SPIRE1: variants seen among roughly 807,000 people sequenced by gnomAD.
The protein encoded by SPIRE1 is protein spire homolog 1.
A neutral mutation model predicts 94.1 loss-of-function variants in SPIRE1; 40 were observed. That is an observed-to-expected ratio of 0.43 (90% CI 0.33 to 0.55). The LOEUF (loss-of-function observed/expected upper bound fraction) is 0.55. Ranked by LOEUF, SPIRE1 falls within the 20% of genes least tolerant of loss-of-function variation. The pLI, the probability that SPIRE1 is intolerant of heterozygous loss-of-function variation, is 0.06. For synonymous variants in SPIRE1, 376 were observed against 371.7 expected, an observed-to-expected ratio of 1.01 and a Z score of -0.13; for missense variants, 838 against 975.2, an observed-to-expected ratio of 0.86 and a Z score of 1.87.
At chr18:12,623,885 T>C (rs1168744240) in intron 2 of SPIRE1, among the ~76,000 whole-genome samples, 93 of 138,268 alleles carry the variant, frequency 6.7e-4, no homozygotes, top group East Asian at 2.2e-3. Flanking sequence ...GCCTCGGCCT[T>C]CCAAAGTGCT....
At chr18:12,598,997 C>T (rs1020088926) in intron 2 of SPIRE1, among the ~76,000 whole-genome samples, 2 of 151,990 alleles carry the variant, frequency 1.3e-5, no homozygotes, top group African/African-American at 4.8e-5. Context: ...TTATCAATAC[C>T]AATGTTTTAC....
At position 12,476,404 on chromosome 18, in the gene SPIRE1, G is replaced by A. The variant is rs147775232; in HGVS notation, c.1404+3295C>T. On this transcript the variant is annotated intron_variant, in intron 10 of 16. Transcript: ENST00000409402. ...AAATATAAAAAAATTAGCTGAGCAT[G>A]GTGGCAGGCACCTGTAATCCCAGTT... 6.3e-3 allele frequency among the ~76,000 whole-genome samples: 951 copies of A among 151,334 alleles called. 5 individuals are homozygous for A. Among genetic ancestry groups the A allele is most frequent in the Middle Eastern group, 0.027 (8 of 294 alleles).
chr18:12,450,273 C>A (rs2031168879), intron 16 of SPIRE1, among the ~76,000 whole-genome samples: 2 of 151,676 alleles, frequency 1.3e-5, no homozygotes, highest in Admixed American at 1.3e-4. Flanking sequence ...GCGGGAGAAT[C>A]GCTTGAACCC....
chr18:12,549,575 T>C (rs987407585), intron 2 of SPIRE1, among the ~76,000 whole-genome samples: 1 of 150,244 alleles, frequency 6.7e-6, no homozygotes, highest in Non-Finnish European at 1.5e-5. Flanking sequence ...CCTCAGCCTC[T>C]TGAGTAGCTG....
At chr18:12,463,562 GACAA>G in intron 11 of SPIRE1, 69 bp from the exon 12 acceptor site, 1 of 1,222,298 alleles carries the variant, frequency 8.2e-7, no homozygotes, top group East Asian at 2.3e-5. Flanking sequence ...TGACATTTGT[GACAA>G]ACACTGTAAT....
At chr18:12,550,772 T>TA (rs1329726478) in intron 2 of SPIRE1, among the ~76,000 whole-genome samples, 1 of 152,200 alleles carries the variant, frequency 6.6e-6, no homozygotes, top group African/African-American at 2.4e-5. Context: ...ACAATCTCTA[T>TA]ATATGAAGTT....
intron 2 of SPIRE1, among the ~76,000 whole-genome samples, chr18:12,623,120 T>TC (rs2037522586): frequency 7.2e-6 from 1 of 139,734 alleles, no homozygotes; most frequent in Non-Finnish European, 1.6e-5. Context: ...TTACATTCTT[T>TC]TACCCTTCAA....
intron 10 of SPIRE1, 103 bp downstream of exon 10, chr18:12,479,596 G>A: frequency 9.2e-7 from 1 of 1,085,244 alleles, no homozygotes. Flanking sequence ...TGAAAAATGG[G>A]AAGAGATTAA....
intron 2 of SPIRE1, among the ~76,000 whole-genome samples, chr18:12,554,796 C>A (rs932698377): frequency 1.3e-5 from 2 of 152,140 alleles, no homozygotes; most frequent in African/African-American, 4.8e-5. Flanking sequence ...TGCATTAAAA[C>A]CAACCAAGTT....
chr18:12,537,089 T>C (rs137928257), intron 3 of SPIRE1, among the ~76,000 whole-genome samples: 1 of 152,238 alleles, frequency 6.6e-6, no homozygotes. Flanking sequence ...CTCAAGAAAA[T>C]ATCTCTAGTT....
At chr18:12,567,875 C>T (rs144710779) in intron 2 of SPIRE1, among the ~76,000 whole-genome samples, 15 of 152,328 alleles carry the variant, frequency 9.8e-5, no homozygotes, top group South Asian at 2.1e-4. Context: ...GAATTTACTA[C>T]GTTTCCCATT....
chr18:12,585,879 G>A lies in SPIRE1; in HGVS notation c.373-38975C>T, dbSNP rs749159129. Among the ~76,000 whole-genome samples the A allele has an allele frequency of 1.2e-4, 19 of 152,178 alleles. No individual in the cohort carries two copies. In the East Asian group the frequency reaches 2.3e-3, roughly 19 times the overall value. ...CTGGCAAGTGGGGCCAGAAGAGCTCGGCAAACATTTTGTTTCTATATTGTG... is the reference window on the plus strand; with the variant it reads ...CTGGCAAGTGGGGCCAGAAGAGCTCAGCAAACATTTTGTTTCTATATTGTG... On this transcript the variant is annotated intron_variant, in intron 2 of 16. Coordinates refer to ENST00000409402, the MANE Select transcript of SPIRE1 (RefSeq NM_001128626.2).
In SPIRE1 at chr18:12,516,068, T is replaced by TA. The variant is rs147041107; in HGVS notation, c.730-3538dup. 1.1e-4 allele frequency: 16 copies of TA among 152,234 alleles called. No individual in the cohort carries two copies. In the East Asian group the frequency reaches 2.9e-3, roughly 28 times the overall value. 9.4% of individuals were successfully genotyped at this position (152,234 alleles called of 1,614,324 possible). On this transcript the variant is annotated intron_variant, in intron 4 of 16. Coordinates refer to ENST00000409402, the MANE Select transcript of SPIRE1 (RefSeq NM_001128626.2). ...TACAACAGACATCTCAGACAAAACTTACATGAATTTCAAAAGTAAAATCCA... is the reference window on the plus strand; with the variant it reads ...TACAACAGACATCTCAGACAAAACTTAACATGAATTTCAAAAGTAAAATCCA...
chr18:12,602,707 A>G (rs1370051801), intron 2 of SPIRE1, among the ~76,000 whole-genome samples: 1 of 152,216 alleles, frequency 6.6e-6, no homozygotes, highest in Non-Finnish European at 1.5e-5. Context: ...AATCAGGTCT[A>G]CTGTGTAAGG....
chr18:12,650,217 C>A (rs895048894), intron 1 of SPIRE1, among the ~76,000 whole-genome samples: 1 of 150,338 alleles, frequency 6.7e-6, no homozygotes, highest in African/African-American at 2.5e-5. Flanking sequence ...CCAGCCTGGG[C>A]AACAGACTAA....
intron 5 of SPIRE1, among the ~76,000 whole-genome samples, chr18:12,511,705 C>T (rs966749903): frequency 2.6e-5 from 4 of 152,178 alleles, no homozygotes; most frequent in Middle Eastern, 3.4e-3. Flanking sequence ...ATTCATACTA[C>T]AGTCCTTAAT....
At chr18:12,619,800 C>T (rs1335934730) in intron 2 of SPIRE1, among the ~76,000 whole-genome samples, 2 of 146,074 alleles carry the variant, frequency 1.4e-5, no homozygotes, top group African/African-American at 2.5e-5. Context: ...GAGCCAAGAT[C>T]GCGGCACTGC....
At chr18:12,578,047 C>T (rs891547574) in intron 2 of SPIRE1, among the ~76,000 whole-genome samples, 1 of 152,152 alleles carries the variant, frequency 6.6e-6, no homozygotes, top group African/African-American at 2.4e-5. Context: ...AAAATACTAA[C>T]AATAATAAGT....
At chr18:12,639,034 G>T (rs1276489340) in intron 1 of SPIRE1, among the ~76,000 whole-genome samples, 1 of 152,136 alleles carries the variant, frequency 6.6e-6, no homozygotes, top group Non-Finnish European at 1.5e-5. Flanking sequence ...ACTTTCAGTG[G>T]CTGTTGGGAT....
Sources: gnomAD v4.1 joint callset for allele counts (sites outside exome capture counted in the v4.1 genomes callset) on GRCh38, gnomAD v4.1.1 for gene constraint, MANE v1.5 for transcripts, NCBI Gene and HGNC (gene_info 2026-07-23, HGNC 2026-07-21) for gene names.